The following SLC71A1 variants were observed in gnomAD, a reference collection of about 807,000 sequenced individuals.
SLC71A1 encodes the protein hippocampus abundant gene transcript 1.
chr1:100,044,541 A>T, the SLC71A1 span, among the ~76,000 whole-genome samples: 12 of 128,320 alleles, frequency 9.4e-5, no homozygotes, highest in Admixed American at 2.4e-4. Context: ...TTGAGATGGA[A>T]TTTTGCTCTT....
At chr1:100,050,191 G>T in the SLC71A1 span, among the ~76,000 whole-genome samples, 2 of 151,918 alleles carry the variant, frequency 1.3e-5, no homozygotes, top group African/African-American at 2.4e-5. Context: ...TGGGAGGGGG[G>T]TGGCGTGGAG....
At chr1:100,082,325 T>C in the SLC71A1 span, 2 of 782,288 alleles carry the variant, frequency 2.6e-6, no homozygotes, top group South Asian at 3.5e-5. Flanking sequence ...TTAAGAAATG[T>C]ATCTGCATGA....
At chr1:100,051,129 A>G in the SLC71A1 span, among the ~76,000 whole-genome samples, 5 of 151,046 alleles carry the variant, frequency 3.3e-5, no homozygotes, top group Non-Finnish European at 1.5e-5. Context: ...GCGGTGGCTC[A>G]CACCTGTAAT....
At chr1:100,061,512 A>T in the SLC71A1 span, among the ~76,000 whole-genome samples, 7 of 152,186 alleles carry the variant, frequency 4.6e-5, no homozygotes, top group African/African-American at 1.4e-4. Context: ...ATGGATTATA[A>T]TAGACTTTAG....
chr1:100,064,606 T>G, the SLC71A1 span, among the ~76,000 whole-genome samples: 2 of 152,216 alleles, frequency 1.3e-5, no homozygotes, highest in African/African-American at 4.8e-5. Flanking sequence ...TTCTAGAAAC[T>G]TCATAGAAAT....
chr1:100,065,812 C>T, the SLC71A1 span, among the ~76,000 whole-genome samples: 2 of 150,206 alleles, frequency 1.3e-5, no homozygotes, highest in Non-Finnish European at 3.0e-5. Flanking sequence ...CTCCTCTCCT[C>T]TTCTTTCCCC....
the SLC71A1 span, among the ~76,000 whole-genome samples, chr1:100,077,669 T>C: frequency 2.0e-5 from 3 of 152,260 alleles, no homozygotes. Flanking sequence ...TGATCATTAC[T>C]GATAGCAAAC....
At chr1:100,076,900 C>T in the SLC71A1 span, among the ~76,000 whole-genome samples, 5 of 152,300 alleles carry the variant, frequency 3.3e-5, no homozygotes, top group South Asian at 1.0e-3. Flanking sequence ...TTTTCAACTA[C>T]TGATTTAAGT....
the SLC71A1 span, among the ~76,000 whole-genome samples, chr1:100,045,652 T>G: frequency 6.6e-6 from 1 of 152,230 alleles, no homozygotes; most frequent in African/African-American, 2.4e-5. Flanking sequence ...GGGTATCCAT[T>G]ACCTCAAACT....
chr1:100,073,584 T>C, the SLC71A1 span, among the ~76,000 whole-genome samples: 3 of 152,316 alleles, frequency 2.0e-5, no homozygotes, highest in South Asian at 6.2e-4. Context: ...CTGCCCTGTT[T>C]TATTTTGTTC....
the SLC71A1 span, among the ~76,000 whole-genome samples, chr1:100,041,921 CAAA>C: frequency 4.2e-5 from 5 of 118,856 alleles, no homozygotes; most frequent in African/African-American, 2.8e-5. Context: ...GAAACTGTCT[CAAA>C]AAAAAAAAAA....
chr1:100,080,284 A>G, the SLC71A1 span: 3 of 458,602 alleles, frequency 6.5e-6, no homozygotes, highest in Non-Finnish European at 7.8e-6. Flanking sequence ...ATATGGGTAC[A>G]TCAGAGCTCA....
chr1:100,065,711 T>G, the SLC71A1 span, among the ~76,000 whole-genome samples: 4 of 126,750 alleles, frequency 3.2e-5, no homozygotes, highest in East Asian at 8.4e-4. Context: ...TCCCTAAGCC[T>G]TTTCCCTTTT....
chr1:100,038,214 A>G, the SLC71A1 span: 2 of 1,550,256 alleles, frequency 1.3e-6, no homozygotes, highest in African/African-American at 2.7e-5. Flanking sequence ...CAGCAGCGCC[A>G]GGAATCGAGG....
chr1:100,059,876 A>G, the SLC71A1 span: 2 of 1,596,554 alleles, frequency 1.3e-6, no homozygotes, highest in Non-Finnish European at 1.7e-6. Flanking sequence ...TAATTTTTTT[A>G]GGGTTTGTTG....
chr1:100,078,006 A>G, the SLC71A1 span, among the ~76,000 whole-genome samples: 2 of 152,248 alleles, frequency 1.3e-5, no homozygotes, highest in Non-Finnish European at 2.9e-5. Context: ...TCAAGCCAGG[A>G]ACATCCAAGT....
At chr1:100,081,977 A>G in the SLC71A1 span, 24 of 1,568,186 alleles carry the variant, frequency 1.5e-5, no homozygotes, top group African/African-American at 2.7e-4. Flanking sequence ...TTGTGTAAAA[A>G]TCCTAATTAC....
the SLC71A1 span, among the ~76,000 whole-genome samples, chr1:100,081,473 G>A: frequency 6.6e-6 from 1 of 152,110 alleles, no homozygotes; most frequent in Non-Finnish European, 1.5e-5. Flanking sequence ...CCAAGTTCAA[G>A]CGATTCTTTT....
chr1:100,039,391 G>A, the SLC71A1 span, among the ~76,000 whole-genome samples: 1 of 152,162 alleles, frequency 6.6e-6, no homozygotes. Flanking sequence ...GAATTCAGTT[G>A]AAAAACGTGA....
Sources: gnomAD v4.1 joint callset for allele counts (sites outside exome capture counted in the v4.1 genomes callset) on GRCh38, gnomAD v4.1.1 for gene constraint, MANE v1.5 for transcripts, NCBI Gene and HGNC (gene_info 2026-07-23, HGNC 2026-07-21) for gene names.